The following ITGA1 variants were observed in gnomAD, a reference collection of about 807,000 sequenced individuals.
The protein encoded by ITGA1 is integrin subunit alpha 1.
Under a neutral mutation model 145.9 loss-of-function variants are expected in ITGA1, and 85 were observed. The observed-to-expected ratio is 0.58, with a 90% CI of 0.49 to 0.70. ITGA1 has a LOEUF of 0.70. Among genes scored for constraint, ITGA1 ranks in the 30% least tolerant of loss-of-function variants. The pLI is 0.00. For synonymous variants in ITGA1, 520 were observed against 495.3 expected, an observed-to-expected ratio of 1.05 and a Z score of -0.66; for missense variants, 1,351 against 1,418.7, an observed-to-expected ratio of 0.95 and a Z score of 0.77.
At chr5:52,798,700 T>C (rs1379416502) in intron 1 of ITGA1, among the ~76,000 whole-genome samples, 1 of 152,064 alleles carries the variant, frequency 6.6e-6, no homozygotes, top group African/African-American at 2.4e-5. Flanking sequence ...CATAGACAAA[T>C]GGGGCAGGGG....
At chr5:52,804,156 T>A (rs1181990877) in intron 1 of ITGA1, 2 of 152,192 alleles carry the variant, frequency 1.3e-5, no homozygotes, top group African/African-American at 4.8e-5. Context: ...CTAGAAGACA[T>A]AATTATCTCT....
intron 1 of ITGA1, among the ~76,000 whole-genome samples, chr5:52,846,683 G>A (rs1051626880): frequency 5.3e-5 from 8 of 152,290 alleles, no homozygotes; most frequent in South Asian, 2.1e-4. Flanking sequence ...AAAAGGACCC[G>A]TGCAATTCAC....
chr5:52,852,863 TA>T (rs910157150), intron 2 of ITGA1, among the ~76,000 whole-genome samples: 2 of 151,844 alleles, frequency 1.3e-5, no homozygotes, highest in African/African-American at 4.8e-5. Context: ...TATCATCAAT[TA>T]AAAAAAAGCT....
chr5:52,945,045 A>G lies in ITGA1; in HGVS notation c.3378+10A>G. 1 of 1,594,270 alleles carries G rather than the reference A, an allele frequency of 6.3e-7. No individual in the cohort carries two copies. Among genetic ancestry groups the G allele is most frequent in the Non-Finnish European group, 8.6e-7 (1 of 1,163,078 alleles). On this transcript the variant is annotated intron_variant, in intron 27 of 28. Transcript: ENST00000282588. The stretch of plus-strand genomic sequence containing the variant: ...CAATCAAAAAAGAGAGGTAAGTGCA[A>G]CATGAGTTTTGAAAACATTATGCAT...
chr5:52,912,903 C>A (rs866576324), intron 14 of ITGA1, among the ~76,000 whole-genome samples: 1 of 151,970 alleles, frequency 6.6e-6, no homozygotes, highest in Middle Eastern at 3.4e-3. Context: ...CCCGCCACCA[C>A]GCCCGGCTAA....
chr5:52,806,393 C>T (rs1351705831), intron 1 of ITGA1, among the ~76,000 whole-genome samples: 1 of 151,746 alleles, frequency 6.6e-6, no homozygotes, highest in Non-Finnish European at 1.5e-5. Flanking sequence ...GGAGAACAAT[C>T]AGGAGTTGCT....
intron 10 of ITGA1, 61 bp from the exon 11 acceptor site, chr5:52,898,178 T>C (rs1211233747): frequency 8.8e-7 from 1 of 1,138,464 alleles, no homozygotes; most frequent in African/African-American, 1.6e-5. Flanking sequence ...GTTAATGGTG[T>C]TTAAGTATTT....
At chr5:52,912,014 A>ATATCTAC in intron 14 of ITGA1, among the ~76,000 whole-genome samples, 1 of 138,046 alleles carries the variant, frequency 7.2e-6, no homozygotes, top group Non-Finnish European at 1.5e-5. Flanking sequence ...TATATATACT[A>ATATCTAC]TATGTATAGT....
Position 52,954,361 on chromosome 5 carries a change from C to T in ITGA1, c.*1910C>T, listed in dbSNP as rs1751272528. On this transcript the variant is annotated 3_prime_UTR_variant, in exon 29 of 29. Coordinates refer to ENST00000282588, the MANE Select transcript of ITGA1 (RefSeq NM_181501.2). ...TAACGGATCCATTGAAATTCATACT[C>T]AGCATCTGTGACTACTAGACAAAGC... The T allele has an allele frequency of 6.6e-6, 1 of 152,146 alleles. No individual in the cohort carries two copies. Among genetic ancestry groups the T allele is most frequent in the Admixed American group, 6.5e-5 (1 of 15,272 alleles). The allele number at this position is 152,146 out of a possible 1,614,324, so 9.4% of individuals were successfully genotyped here.
At position 52,925,384 on chromosome 5, in the gene ITGA1, ATAAGTTCAACGT is replaced by A; in HGVS notation, c.2513_2524del (p.Lys838_Val841del). On this transcript the variant is annotated inframe_deletion, in exon 19 of 29. Transcript: ENST00000282588. ...CTGCTGATTGTCCGATCCCAGAATG[ATAAGTTCAACGT>A]TAGCCTCACAGTCAAAAATACAAAG... 1.2e-6 allele frequency: 2 copies of A among 1,614,110 alleles called. No individual in the cohort carries two copies. Among genetic ancestry groups the A allele is most frequent in the Non-Finnish European group, 1.7e-6 (2 of 1,179,938 alleles).
intron 15 of ITGA1, among the ~76,000 whole-genome samples, chr5:52,917,123 T>C (rs1750660281): frequency 6.6e-6 from 1 of 152,164 alleles, no homozygotes; most frequent in South Asian, 2.1e-4. Context: ...AAGCAAATAG[T>C]GAGAGTCTTG....
intron 1 of ITGA1, among the ~76,000 whole-genome samples, chr5:52,790,803 G>A (rs1259730675): frequency 6.6e-6 from 1 of 152,178 alleles, no homozygotes; most frequent in African/African-American, 2.4e-5. Flanking sequence ...TTAGGTCATG[G>A]ATATCTTTGG....
chr5:52,932,102 C>T lies in ITGA1; in HGVS notation c.2827C>T (p.Pro943Ser). 1 of 1,609,844 alleles carries T rather than the reference C, an allele frequency of 6.2e-7. No individual in the cohort carries two copies. The highest frequency in any genetic ancestry group is 8.5e-7 in the Non-Finnish European group (1 of 1,176,712). The change falls in exon 22 of 29, where the codon CCG becomes TCG. Residue 943 changes from proline (P) to serine (S), a missense_variant. Pro to Ser is a moderately conservative substitution (Grantham distance 74). Transcript: ENST00000282588. ...LSDNVVNISI[P>S]VKYEVGLQFY... ...TGATAATGTAGTAAACATTTCTATC[C>T]CGGTAAAATATGAAGTTGGACTACA...
rs1749339341 is a variant in ITGA1, at chr5:52,846,460, G to C, written c.62-2905G>C. Among the ~76,000 whole-genome samples the C allele has an allele frequency of 2.0e-5, 3 of 152,024 alleles. No individual in the cohort carries two copies. In the South Asian group the frequency reaches 6.2e-4, roughly 31 times the overall value. ...TCTAAACATATCTAAACATAGAAAA[G>C]GTACACTAAAGCTATTGTATTATAA... is the stretch of plus-strand genomic sequence containing the variant. On this transcript the variant is annotated intron_variant, in intron 1 of 28. Transcript: ENST00000282588.
chr5:52,793,868 A>C (rs1748288862), intron 1 of ITGA1, among the ~76,000 whole-genome samples: 1 of 152,064 alleles, frequency 6.6e-6, no homozygotes, highest in South Asian at 2.1e-4. Context: ...ATAATGTTCC[A>C]GTTGCACAGG....
rs61600951 is a variant in ITGA1 at position 52,812,789 on chromosome 5, CTTTTTTTT to C, written c.61+24396_61+24403del. Among the ~76,000 whole-genome samples the C allele has an allele frequency of 5.2e-3, 446 of 86,082 alleles. 3 individuals carry two copies. The highest frequency in any genetic ancestry group is 9.2e-3 in the Admixed American group (65 of 7,056). The allele number at this position is 86,082 out of a possible 152,430, so 56.5% of individuals were successfully genotyped here. A position where few individuals can be genotyped will look rare whatever the true frequency, so the allele number is the denominator to read the frequency against. On this transcript the variant is annotated intron_variant, in intron 1 of 28. Transcript: ENST00000282588. ...AAGTTCATTTTGTTCCTTCTTATCGCTTTTTTTTTTTTTTTTTTTTTTTTTTTTGCCAA... is the reference window on the plus strand; with the variant it reads ...AAGTTCATTTTGTTCCTTCTTATCGCTTTTTTTTTTTTTTTTTTTTGCCAA...
chr5:52,822,734 C>T (rs1450370145), intron 1 of ITGA1, among the ~76,000 whole-genome samples: 1 of 152,190 alleles, frequency 6.6e-6, no homozygotes, highest in African/African-American at 2.4e-5. Context: ...CTTTCTGCTT[C>T]GTATGATCGG....
intron 24 of ITGA1, among the ~76,000 whole-genome samples, chr5:52,938,176 C>T (rs367830098): frequency 3.3e-5 from 5 of 152,322 alleles, no homozygotes; most frequent in African/African-American, 1.2e-4. Context: ...TTACACTTTT[C>T]CTTGATTTGT....
At chr5:52,864,702 A>C (rs1749655615) in intron 3 of ITGA1, 61 bp from the exon 4 acceptor site, 1 of 984,200 alleles carries the variant, frequency 1.0e-6, no homozygotes, top group Non-Finnish European at 1.6e-6. Flanking sequence ...TTAATGAGAG[A>C]TGCTTAAAAT....
Sources: gnomAD v4.1 joint callset for allele counts (sites outside exome capture counted in the v4.1 genomes callset) on GRCh38, gnomAD v4.1.1 for gene constraint, MANE v1.5 for transcripts, NCBI Gene and HGNC (gene_info 2026-07-23, HGNC 2026-07-21) for gene names.